Variants in NUMB observed in about 807,000 individuals in gnomAD.
NUMB encodes NUMB endocytic adaptor protein.
A neutral mutation model predicts 59.7 loss-of-function variants in NUMB; 29 were observed. That is an observed-to-expected ratio of 0.49 (90% CI 0.36 to 0.66). The LOEUF (loss-of-function observed/expected upper bound fraction) is 0.66. NUMB is among the 30% of genes least tolerant of loss of function. NUMB has a pLI of 0.00. For synonymous variants in NUMB, 288 were observed against 288.2 expected (o/e 1.00, Z 0.01); for missense variants, 723 against 822.0 (o/e 0.88, Z 1.47).
intron 2 of NUMB, among the ~76,000 whole-genome samples, chr14:73,380,597 A>G (rs1328496902): frequency 6.6e-6 from 1 of 151,960 alleles, no homozygotes; most frequent in East Asian, 1.9e-4. Context: ...ACTATTTGTT[A>G]TATTGTAACT....
At chr14:73,306,432 C>G (rs1249739590) in intron 6 of NUMB, among the ~76,000 whole-genome samples, 1 of 152,156 alleles carries the variant, frequency 6.6e-6, no homozygotes, top group African/African-American at 2.4e-5. Flanking sequence ...AAATTTATCC[C>G]TTCTCACAAT....
chr14:73,341,674 G>C (rs967204995), intron 4 of NUMB, among the ~76,000 whole-genome samples: 2 of 152,114 alleles, frequency 1.3e-5, no homozygotes, highest in Admixed American at 1.3e-4. Context: ...TTTTGCCTCA[G>C]CCTCCAGAGT....
intron 2 of NUMB, among the ~76,000 whole-genome samples, chr14:73,367,279 C>CTATA (rs748523624): frequency 0.022 from 2,637 of 122,444 alleles, 110 homozygotes; most frequent in African/African-American, 0.072. Flanking sequence ...AAATAAAATA[C>CTATA]TATATATATA....
In NUMB at chr14:73,281,048, CA is replaced by C. The variant is rs199868849; in HGVS notation, c.1096+1310del. 6.8e-3 allele frequency among the ~76,000 whole-genome samples: 1,033 copies of C among 151,654 alleles called. 4 individuals are homozygous for C. Among genetic ancestry groups the C allele is most frequent in the South Asian group, 0.03 (144 of 4,798 alleles). ...AAGACTGCCTTTGCTTTTTTGGTGG[CA>C]AAAAAATTTTTTTTTTCACCTAGAA... On this transcript the variant is annotated intron_variant, in intron 11 of 12. Coordinates refer to ENST00000555238, the MANE Select transcript of NUMB (RefSeq NM_001005743.2).
chr14:73,454,044 A>T (rs1242085450), intron 1 of NUMB, among the ~76,000 whole-genome samples: 1 of 151,452 alleles, frequency 6.6e-6, no homozygotes, highest in Non-Finnish European at 1.5e-5. Flanking sequence ...AAAACATAAA[A>T]TGAGGGAGGG....
intron 1 of NUMB, among the ~76,000 whole-genome samples, chr14:73,418,056 G>A (rs997709417): frequency 6.6e-6 from 1 of 151,828 alleles, no homozygotes; most frequent in South Asian, 2.1e-4. Flanking sequence ...AGTGAGCTGA[G>A]ATCATGCCAC....
intron 4 of NUMB, among the ~76,000 whole-genome samples, chr14:73,323,615 C>T (rs1012942590): frequency 4.6e-5 from 7 of 152,126 alleles, no homozygotes; most frequent in Admixed American, 6.5e-5. Context: ...TAAAAGTAAT[C>T]CTAAGACAAA....
intron 9 of NUMB, 199 bp downstream of exon 9, chr14:73,286,911 A>T: frequency 1.7e-6 from 1 of 593,448 alleles, no homozygotes; most frequent in Admixed American, 2.8e-5. Flanking sequence ...AGCTTACTAT[A>T]ATGGAGTAAA....
chr14:73,414,719 T>G (rs919827578), intron 1 of NUMB, among the ~76,000 whole-genome samples: 10 of 151,474 alleles, frequency 6.6e-5, no homozygotes, highest in East Asian at 5.8e-4. Flanking sequence ...TGGGGGCGGG[T>G]GCGGGGGGGG....
chr14:73,422,748 C>T (rs1897407454), intron 1 of NUMB, among the ~76,000 whole-genome samples: 1 of 152,076 alleles, frequency 6.6e-6, no homozygotes, highest in African/African-American at 2.4e-5. Flanking sequence ...GAGCAAGACT[C>T]ATTTATCACC....
chr14:73,413,028 C>T (rs1294676765), intron 1 of NUMB, among the ~76,000 whole-genome samples: 2 of 152,010 alleles, frequency 1.3e-5, no homozygotes, highest in African/African-American at 4.8e-5. Flanking sequence ...TAAAATAAAA[C>T]AGGCTGTCTG....
At chr14:73,352,530 G>GGT (rs1555373807) in intron 4 of NUMB, among the ~76,000 whole-genome samples, 2,099 of 20,290 alleles carry the variant, frequency 0.1, 485 homozygotes, top group East Asian at 0.59. Flanking sequence ...ATATATATAT[G>GGT]TTTTTTTTTT....
At chr14:73,340,270 C>A (rs1414690257) in intron 4 of NUMB, among the ~76,000 whole-genome samples, 1 of 152,180 alleles carries the variant, frequency 6.6e-6, no homozygotes, top group Non-Finnish European at 1.5e-5. Flanking sequence ...GGATGGCCAA[C>A]AGTAGCCCAG....
intron 3 of NUMB, among the ~76,000 whole-genome samples, chr14:73,360,546 A>G (rs1894049497): frequency 6.6e-6 from 1 of 152,184 alleles, no homozygotes. Context: ...TGACAAAGTG[A>G]GACTCCATCT....
At chr14:73,317,324 C>G (rs1256290042) in intron 5 of NUMB, among the ~76,000 whole-genome samples, 1 of 149,382 alleles carries the variant, frequency 6.7e-6, no homozygotes, top group Non-Finnish European at 1.5e-5. Context: ...TTTGTTGAGT[C>G]AGAGTCTCAC....
At chr14:73,377,353 C>T (rs771102096) in intron 2 of NUMB, among the ~76,000 whole-genome samples, 1 of 152,150 alleles carries the variant, frequency 6.6e-6, no homozygotes, top group Non-Finnish European at 1.5e-5. Flanking sequence ...GGACTATTAT[C>T]CAGGCTGGGT....
chr14:73,355,326 G>A (rs191467278), intron 4 of NUMB, among the ~76,000 whole-genome samples: 30 of 152,230 alleles, frequency 2.0e-4, no homozygotes, highest in Non-Finnish European at 8.8e-5. Context: ...TTTGAGTCCT[G>A]ATAATTTAGG....
At chr14:73,314,807 T>A (rs1243012968) in intron 6 of NUMB, among the ~76,000 whole-genome samples, 1 of 152,036 alleles carries the variant, frequency 6.6e-6, no homozygotes, top group Non-Finnish European at 1.5e-5. Context: ...TGTATGATAA[T>A]TGTGGCGATG....
At chr14:73,367,534 G>A (rs1377776329) in intron 2 of NUMB, among the ~76,000 whole-genome samples, 4 of 151,738 alleles carry the variant, frequency 2.6e-5, no homozygotes, top group African/African-American at 9.7e-5. Flanking sequence ...AGCACTTCGG[G>A]AGGCCTCGGC....
Sources: allele counts gnomAD v4.1 joint callset (sites outside exome capture counted in the v4.1 genomes callset), GRCh38; gene constraint gnomAD v4.1.1; transcripts MANE v1.5; gene names NCBI Gene and HGNC (gene_info 2026-07-23, HGNC 2026-07-21).